RPS6KA3: variants seen among roughly 807,000 people sequenced by gnomAD.
RPS6KA3 encodes the protein ribosomal protein S6 kinase alpha-3.
Under a neutral mutation model 67.2 loss-of-function variants are expected in RPS6KA3, and 4 were observed. That is an observed-to-expected ratio of 0.06 (90% CI 0.03 to 0.14). The LOEUF (loss-of-function observed/expected upper bound fraction) is 0.14, where lower values mean the gene tolerates loss of function less well. Among genes scored for constraint, RPS6KA3 ranks in the 10% least tolerant of loss-of-function variants. The probability of loss-of-function intolerance (pLI) is 1.00; values close to 1 mark genes in which losing one functional copy is unlikely to be tolerated. For missense variants in RPS6KA3, 204 were observed against 559.0 expected, an observed-to-expected ratio of 0.36 and a Z score of 6.40; for synonymous variants, 182 against 183.7, an observed-to-expected ratio of 0.99 and a Z score of 0.07.
At chrX:20,241,456 GAA>G (rs1488575800) in intron 1 of RPS6KA3, 3 of 99,242 alleles carry the variant, frequency 3.0e-5, no homozygotes, top group African/African-American at 1.1e-4. Context: ...AAGAAAGAAA[GAA>G]AAGATTTAAA....
At chrX:20,223,208 C>A (rs2069027126) in intron 2 of RPS6KA3, among the ~76,000 whole-genome samples, 1 of 111,307 alleles carries the variant, frequency 9.0e-6, no homozygotes, top group Non-Finnish European at 1.9e-5. Context: ...CATTTATATT[C>A]ATAAATTAAA....
chrX:20,262,783 AT>A (rs199702336), intron 1 of RPS6KA3, among the ~76,000 whole-genome samples: 1,460 of 111,217 alleles, frequency 0.013, 26 homozygotes, highest in African/African-American at 0.044. Context: ...ACAATAAAAC[AT>A]TTTTTTTCAA....
chrX:20,206,646 T>C (rs1424298182), intron 3 of RPS6KA3, among the ~76,000 whole-genome samples: 1 of 111,985 alleles, frequency 8.9e-6, no homozygotes, highest in African/African-American at 3.3e-5. Flanking sequence ...TAACAAATAA[T>C]TAAACAAATG....
chrX:20,178,690 A>G (rs1458343214), intron 10 of RPS6KA3, among the ~76,000 whole-genome samples: 1 of 83,315 alleles, frequency 1.2e-5, no homozygotes, highest in African/African-American at 4.9e-5. Flanking sequence ...CATGTTGACT[A>G]GGCTGGTTTT....
At chrX:20,186,911 G>A (rs1216160343) in intron 9 of RPS6KA3, among the ~76,000 whole-genome samples, 3 of 111,883 alleles carry the variant, frequency 2.7e-5, no homozygotes, top group African/African-American at 6.5e-5. Context: ...TTCACTCACT[G>A]CAATCTCCGT....
chrX:20,184,907 G>A (rs1259194398), intron 10 of RPS6KA3, among the ~76,000 whole-genome samples: 1 of 111,401 alleles, frequency 9.0e-6, no homozygotes, highest in African/African-American at 3.3e-5. Flanking sequence ...CTAGGTATCT[G>A]AGAATTTTTA....
At chrX:20,211,765 A>C (rs2068723252) in intron 2 of RPS6KA3, among the ~76,000 whole-genome samples, 1 of 111,608 alleles carries the variant, frequency 9.0e-6, no homozygotes, top group African/African-American at 3.3e-5. Context: ...AACAAAAAAA[A>C]CCAAACCAAA....
At chrX:20,221,558 T>C (rs2068988043) in intron 2 of RPS6KA3, among the ~76,000 whole-genome samples, 2 of 111,889 alleles carry the variant, frequency 1.8e-5, no homozygotes, top group Non-Finnish European at 3.8e-5. Context: ...ATAGTAAATA[T>C]TTTCAGCTTT....
At position 20,158,275 on chromosome X, in the gene RPS6KA3, G is replaced by A. The variant is rs181607706; in HGVS notation, c.1960-2026C>T. ...GGCTGTTCAGGAGGCTGAGGTGGGA[G>A]GATAGCTAGAGTCCAGAAGTTGGAG... On this transcript the variant is annotated intron_variant, in intron 20 of 21. Coordinates refer to ENST00000379565, the MANE Select transcript of RPS6KA3 (RefSeq NM_004586.3). Among the ~76,000 whole-genome samples, 127 of 105,530 alleles carry A rather than the reference G, an allele frequency of 1.2e-3. 1 individual carries two copies. Among genetic ancestry groups the A allele is most frequent in the Non-Finnish European group, 2.3e-3 (116 of 51,538 alleles). 91.6% of individuals were successfully genotyped at this position (105,530 alleles called of 115,157 possible).
Position 20,246,978 on chromosome X carries a change from G to GTA in RPS6KA3, c.70-12166_70-12165dup, listed in dbSNP as rs759780282. Among the ~76,000 whole-genome samples the GTA allele has an allele frequency of 5.8e-3, 643 of 111,098 alleles. 2 individuals are homozygous for GTA. Among genetic ancestry groups the GTA allele is most frequent in the Non-Finnish European group, 0.01 (537 of 52,926 alleles). ...AAATGATCCACTCTAATTAAAATAT[G>GTA]TATATATATATTTAAAACTCACCCT... On this transcript the variant is annotated intron_variant, in intron 1 of 21. Coordinates refer to ENST00000379565, the MANE Select transcript of RPS6KA3 (RefSeq NM_004586.3).
chrX:20,173,559 T>C (rs1324265757), intron 14 of RPS6KA3, among the ~76,000 whole-genome samples: 6 of 111,939 alleles, frequency 5.4e-5, no homozygotes, highest in Non-Finnish European at 1.1e-4. Flanking sequence ...TGAGGAAAGT[T>C]GTGCTGCCCT....
chrX:20,238,593 T>C (rs189231910), intron 1 of RPS6KA3, among the ~76,000 whole-genome samples: 231 of 111,107 alleles, frequency 2.1e-3, no homozygotes, highest in African/African-American at 7.2e-3. Context: ...CAGCTAATAG[T>C]ATAGTATATA....
intron 2 of RPS6KA3, among the ~76,000 whole-genome samples, chrX:20,225,830 GA>G (rs1003214067): frequency 2.7e-5 from 3 of 111,883 alleles, no homozygotes; most frequent in Non-Finnish European, 5.6e-5. Context: ...GTAAAGACAG[GA>G]AAAGGCTGAA....
chrX:20,188,067 A>G, intron 8 of RPS6KA3, 97 bp from the exon 9 acceptor site: 2 of 838,753 alleles, frequency 2.4e-6, no homozygotes, highest in Non-Finnish European at 3.5e-6. Context: ...TTCTAATACA[A>G]GTTTTTTTTG....
intron 10 of RPS6KA3, among the ~76,000 whole-genome samples, chrX:20,182,887 T>A (rs1296278148): frequency 8.9e-6 from 1 of 112,019 alleles, no homozygotes; most frequent in Non-Finnish European, 1.9e-5. Flanking sequence ...TATTTTTATT[T>A]ATTAAAATTT....
intron 2 of RPS6KA3, among the ~76,000 whole-genome samples, chrX:20,233,428 G>A (rs1280497696): frequency 9.0e-6 from 1 of 111,077 alleles, no homozygotes; most frequent in East Asian, 2.8e-4. Flanking sequence ...TACTGTAACT[G>A]TGTAACCACT....
chrX:20,251,824 C>T (rs959505235), intron 1 of RPS6KA3, among the ~76,000 whole-genome samples: 2 of 112,140 alleles, frequency 1.8e-5, no homozygotes, highest in African/African-American at 6.5e-5. Context: ...GATTACTTTG[C>T]ATTTATCTTA....
chrX:20,251,343 T>C (rs2069858582), intron 1 of RPS6KA3, among the ~76,000 whole-genome samples: 1 of 112,690 alleles, frequency 8.9e-6, no homozygotes, highest in Non-Finnish European at 1.9e-5. Context: ...GGTCTTGCCA[T>C]GTTGCCCAAG....
intron 2 of RPS6KA3, among the ~76,000 whole-genome samples, chrX:20,221,694 T>TG (rs1159038026): frequency 1.8e-5 from 2 of 112,447 alleles, no homozygotes; most frequent in Non-Finnish European, 3.8e-5. Flanking sequence ...TGCTGACCCC[T>TG]GTTCTCTAAT....
Sources: gnomAD v4.1 joint callset for allele counts (sites outside exome capture counted in the v4.1 genomes callset) on GRCh38, gnomAD v4.1.1 for gene constraint, MANE v1.5 for transcripts, NCBI Gene and HGNC (gene_info 2026-07-23, HGNC 2026-07-21) for gene names.